ROR1: variants seen among roughly 807,000 people sequenced by gnomAD.
The protein encoded by ROR1 is inactive tyrosine-protein kinase transmembrane receptor ROR1.
A neutral mutation model predicts 78.8 loss-of-function variants in ROR1; 19 were observed. That is an observed-to-expected ratio of 0.24 (90% CI 0.17 to 0.35). The LOEUF (loss-of-function observed/expected upper bound fraction) is 0.35. Among genes scored for constraint, ROR1 ranks in the 10% least tolerant of loss-of-function variants. ROR1 has a pLI of 1.00. For missense variants in ROR1, 917 were observed against 1,177.8 expected, an observed-to-expected ratio of 0.78 and a Z score of 3.24; for synonymous variants, 386 against 433.6, an observed-to-expected ratio of 0.89 and a Z score of 1.36.
At chr1:63,974,770 T>G (rs1241241889) in intron 1 of ROR1, among the ~76,000 whole-genome samples, 1 of 152,162 alleles carries the variant, frequency 6.6e-6, no homozygotes, top group Non-Finnish European at 1.5e-5. Context: ...CCTGAGTAGC[T>G]AGAACTATAT....
chr1:64,122,018 T>C (rs1480376446), intron 4 of ROR1, among the ~76,000 whole-genome samples: 1 of 152,200 alleles, frequency 6.6e-6, no homozygotes, highest in Non-Finnish European at 1.5e-5. Context: ...TAGTGCTAGT[T>C]GAAGGAACCA....
intron 1 of ROR1, among the ~76,000 whole-genome samples, chr1:63,987,723 C>A (rs952534643): frequency 6.6e-6 from 1 of 152,166 alleles, no homozygotes; most frequent in African/African-American, 2.4e-5. Flanking sequence ...GGAGCAACTA[C>A]CTCTGGCTTC....
At chr1:64,145,257 A>G (rs1196663787) in intron 7 of ROR1, among the ~76,000 whole-genome samples, 8 of 152,188 alleles carry the variant, frequency 5.3e-5, no homozygotes, top group Admixed American at 1.3e-4. Flanking sequence ...AGTATGTATG[A>G]TACAATAGAA....
chr1:64,142,347 G>A (rs1649342940), intron 6 of ROR1, 58 bp from the exon 7 acceptor site: 16 of 1,599,082 alleles, frequency 1.0e-5, no homozygotes, highest in Non-Finnish European at 1.4e-5. Flanking sequence ...GGCTAGAGGA[G>A]AGCTCCAGCA....
chr1:64,005,722 G>A (rs946526276), intron 1 of ROR1, among the ~76,000 whole-genome samples: 4 of 152,144 alleles, frequency 2.6e-5, no homozygotes, highest in Non-Finnish European at 5.9e-5. Flanking sequence ...ATCACTTTGT[G>A]AGGGGAGATT....
At chr1:64,126,992 T>C (rs1648733550) in intron 4 of ROR1, among the ~76,000 whole-genome samples, 1 of 152,180 alleles carries the variant, frequency 6.6e-6, no homozygotes, top group Admixed American at 6.5e-5. Flanking sequence ...TTCTGCTGAG[T>C]CTAGGCAGTG....
intron 1 of ROR1, among the ~76,000 whole-genome samples, chr1:63,851,084 A>G (rs1208200845): frequency 2.0e-5 from 3 of 152,150 alleles, no homozygotes; most frequent in Non-Finnish European, 4.4e-5. Flanking sequence ...AGTTCAATCA[A>G]TTGTCCTGCC....
At chr1:63,907,101 G>C (rs1441070841) in intron 1 of ROR1, among the ~76,000 whole-genome samples, 1 of 152,182 alleles carries the variant, frequency 6.6e-6, no homozygotes, top group African/African-American at 2.4e-5. Flanking sequence ...CTTAGATTAT[G>C]GACAGCTCTC....
chr1:64,006,853 A>G (rs901693229), intron 1 of ROR1, among the ~76,000 whole-genome samples: 1 of 152,196 alleles, frequency 6.6e-6, no homozygotes, highest in Non-Finnish European at 1.5e-5. Flanking sequence ...CTGCTGTGGC[A>G]GGGAGATAAA....
At chr1:64,102,075 G>C (rs1480019660) in intron 4 of ROR1, among the ~76,000 whole-genome samples, 1 of 152,142 alleles carries the variant, frequency 6.6e-6, no homozygotes, top group African/African-American at 2.4e-5. Context: ...AGAAGGTCCT[G>C]CTCTCAAGAG....
intron 7 of ROR1, 127 bp from the exon 8 acceptor site, chr1:64,158,850 CCTTT>C: frequency 1.5e-6 from 1 of 664,578 alleles, no homozygotes; most frequent in Non-Finnish European, 2.6e-6. Context: ...GCAGTGGATT[CCTTT>C]CTTCTCACAG....
intron 4 of ROR1, among the ~76,000 whole-genome samples, chr1:64,076,861 A>G (rs964839215): frequency 1.3e-5 from 2 of 152,214 alleles, no homozygotes; most frequent in Admixed American, 1.3e-4. Flanking sequence ...AGTATTTTTT[A>G]TATTAATAAT....
At chr1:63,857,502 G>A (rs1645156310) in intron 1 of ROR1, among the ~76,000 whole-genome samples, 1 of 152,160 alleles carries the variant, frequency 6.6e-6, no homozygotes, top group Non-Finnish European at 1.5e-5. Flanking sequence ...TTCCATGTTG[G>A]ATGTACTTAG....
intron 1 of ROR1, among the ~76,000 whole-genome samples, chr1:63,794,081 C>T (rs945141733): frequency 2.6e-5 from 4 of 152,172 alleles, no homozygotes; most frequent in South Asian, 4.1e-4. Context: ...CAGTGAAGGA[C>T]GTCCTCACTG....
intron 1 of ROR1, among the ~76,000 whole-genome samples, chr1:63,802,541 A>G (rs940397978): frequency 1.3e-5 from 2 of 152,232 alleles, no homozygotes; most frequent in Admixed American, 1.3e-4. Context: ...TTGTGTGACT[A>G]TGAATAAGTA....
chr1:63,879,966 C>G (rs902878422), intron 1 of ROR1, among the ~76,000 whole-genome samples: 14 of 152,050 alleles, frequency 9.2e-5, no homozygotes, highest in African/African-American at 3.4e-4. Flanking sequence ...AGGATCTTTC[C>G]TTTATGAAAA....
At chr1:64,083,277 G>A (rs186011784) in intron 4 of ROR1, among the ~76,000 whole-genome samples, 4 of 152,304 alleles carry the variant, frequency 2.6e-5, no homozygotes, top group Non-Finnish European at 4.4e-5. Flanking sequence ...GATAATCAGC[G>A]CAGATGTCAT....
At chr1:64,119,968 T>C (rs1268606314) in intron 4 of ROR1, among the ~76,000 whole-genome samples, 1 of 152,180 alleles carries the variant, frequency 6.6e-6, no homozygotes, top group Non-Finnish European at 1.5e-5. Context: ...AAATAAAAAC[T>C]TTTAAGAAAA....
At chr1:63,980,854 G>A (rs1291291492) in intron 1 of ROR1, among the ~76,000 whole-genome samples, 3 of 152,212 alleles carry the variant, frequency 2.0e-5, no homozygotes, top group Non-Finnish European at 4.4e-5. Flanking sequence ...TTGTCTCTGG[G>A]GCTGTACTTG....
Sources: gnomAD v4.1 joint callset for allele counts (sites outside exome capture counted in the v4.1 genomes callset) on GRCh38, gnomAD v4.1.1 for gene constraint, MANE v1.5 for transcripts, NCBI Gene and HGNC (gene_info 2026-07-23, HGNC 2026-07-21) for gene names.